The following AUTS2 variants were observed in gnomAD, a reference collection of about 807,000 sequenced individuals.
The protein encoded by AUTS2 is autism susceptibility gene 2 protein.
A neutral mutation model predicts 112.4 loss-of-function variants in AUTS2; 17 were observed. The ratio of observed to expected loss-of-function variants is 0.15; its 90% CI spans 0.10 to 0.23. The LOEUF is 0.23. Among genes scored for constraint, AUTS2 ranks in the 10% least tolerant of loss-of-function variants. The pLI is 1.00. For missense variants in AUTS2, 1,510 were observed against 1,701.6 expected (o/e 0.89, Z 1.98); for synonymous variants, 751 against 702.7 (o/e 1.07, Z -1.09).
At chr7:70,747,201 TG>T (rs1788506465) in intron 6 of AUTS2, among the ~76,000 whole-genome samples, 1 of 152,248 alleles carries the variant, frequency 6.6e-6, no homozygotes, top group South Asian at 2.1e-4. Context: ...CCTTCTTTTT[TG>T]AAAGCATCTC....
rs199922977 is a variant in AUTS2, at chr7:70,423,631, CA to C, written c.661-12112del. Among the ~76,000 whole-genome samples, 457 of 150,906 alleles carry C rather than the reference CA, an allele frequency of 3.0e-3. 1 individual carries two copies. The highest frequency in any genetic ancestry group is 0.01 in the African/African-American group (430 of 41,230). ...GAATAAGTCCAAGCTACTTCCATCC[CA>C]AAAAAAAATGTTCATCAAGAACCTA... On this transcript the variant is annotated intron_variant, in intron 4 of 18. Transcript: ENST00000342771.
intron 3 of AUTS2, among the ~76,000 whole-genome samples, chr7:70,122,888 T>C (rs10262612): frequency 0.072 from 9,490 of 132,704 alleles, 206 homozygotes; most frequent in African/African-American, 0.12. Context: ...TTTTTTTTTT[T>C]CCGTGACACG....
At chr7:70,732,214 A>T (rs978867383) in intron 6 of AUTS2, among the ~76,000 whole-genome samples, 3 of 152,188 alleles carry the variant, frequency 2.0e-5, no homozygotes, top group Non-Finnish European at 2.9e-5. Context: ...ATTTTTCCTC[A>T]TAGCAAATAC....
chr7:69,941,844 G>T (rs966340717), intron 2 of AUTS2, among the ~76,000 whole-genome samples: 2 of 152,148 alleles, frequency 1.3e-5, no homozygotes, highest in African/African-American at 4.8e-5. Flanking sequence ...GGCCAGACTG[G>T]ATGAACTGGT....
chr7:70,173,581 C>T (rs188673590), intron 4 of AUTS2, among the ~76,000 whole-genome samples: 1 of 152,180 alleles, frequency 6.6e-6, no homozygotes, highest in East Asian at 1.9e-4. Context: ...GCATACATTG[C>T]TTTATTGTGC....
At chr7:69,600,943 C>T (rs1456486447) in intron 1 of AUTS2, among the ~76,000 whole-genome samples, 1 of 150,372 alleles carries the variant, frequency 6.7e-6, no homozygotes, top group African/African-American at 2.5e-5. Context: ...CGTTGATTTT[C>T]AAATGCACAT....
intron 4 of AUTS2, among the ~76,000 whole-genome samples, chr7:70,362,545 C>T (rs899376494): frequency 6.6e-6 from 1 of 152,036 alleles, no homozygotes; most frequent in Non-Finnish European, 1.5e-5. Context: ...ATATTTCAAG[C>T]AGGAGAAATT....
At chr7:69,966,175 G>T (rs1295431548) in intron 2 of AUTS2, among the ~76,000 whole-genome samples, 1 of 152,116 alleles carries the variant, frequency 6.6e-6, no homozygotes, top group Non-Finnish European at 1.5e-5. Context: ...AGACACCTTG[G>T]CTCAGGAAAG....
intron 2 of AUTS2, among the ~76,000 whole-genome samples, chr7:70,098,263 A>G (rs1804301357): frequency 6.6e-6 from 1 of 152,242 alleles, no homozygotes; most frequent in Admixed American, 6.5e-5. Context: ...GCTCTGGATT[A>G]TCTATAAAAC....
chr7:70,714,117 A>G (rs138833724), intron 6 of AUTS2, among the ~76,000 whole-genome samples: 1 of 152,308 alleles, frequency 6.6e-6, no homozygotes, highest in Non-Finnish European at 1.5e-5. Flanking sequence ...AAGGTGTGAA[A>G]TGTATCTTTA....
At chr7:69,766,800 G>A (rs1263495075) in intron 1 of AUTS2, among the ~76,000 whole-genome samples, 1 of 152,226 alleles carries the variant, frequency 6.6e-6, no homozygotes, top group Non-Finnish European at 1.5e-5. Context: ...GAGCTGAAAT[G>A]CTCATCAGCT....
chr7:69,600,719 G>A (rs1032632526), intron 1 of AUTS2, among the ~76,000 whole-genome samples: 2 of 151,892 alleles, frequency 1.3e-5, no homozygotes, highest in African/African-American at 4.8e-5. Context: ...GCACATGTGT[G>A]TGTGTACATG....
At chr7:69,669,696 AT>A (rs998016578) in intron 1 of AUTS2, among the ~76,000 whole-genome samples, 1 of 151,798 alleles carries the variant, frequency 6.6e-6, no homozygotes, top group Non-Finnish European at 1.5e-5. Flanking sequence ...TTGAAAGATG[AT>A]TTTTTTCCCC....
At chr7:70,623,642 G>A (rs577597561) in intron 5 of AUTS2, among the ~76,000 whole-genome samples, 3 of 152,288 alleles carry the variant, frequency 2.0e-5, no homozygotes, top group Admixed American at 6.5e-5. Flanking sequence ...AACATGTCAC[G>A]TGTTCAGGGG....
At chr7:69,752,074 AC>A (rs1212878141) in intron 1 of AUTS2, among the ~76,000 whole-genome samples, 2 of 152,024 alleles carry the variant, frequency 1.3e-5, no homozygotes, top group Non-Finnish European at 2.9e-5. Context: ...CCCGCCCCAC[AC>A]CCGGCCTTAA....
At chr7:69,800,719 G>T (rs1414047746) in intron 1 of AUTS2, among the ~76,000 whole-genome samples, 4 of 152,156 alleles carry the variant, frequency 2.6e-5, no homozygotes, top group Non-Finnish European at 5.9e-5. Context: ...CTCTTGACAA[G>T]TACTATGAGT....
At chr7:70,181,456 A>G (rs1186158777) in intron 4 of AUTS2, among the ~76,000 whole-genome samples, 3 of 150,342 alleles carry the variant, frequency 2.0e-5, no homozygotes, top group African/African-American at 7.3e-5. Context: ...CTCCTTTGTC[A>G]TATTTCACAG....
chr7:70,789,723 C>A, intron 18 of AUTS2, 25 bp from the exon 19 acceptor site: 1 of 1,599,322 alleles, frequency 6.3e-7, no homozygotes, highest in Non-Finnish European at 8.5e-7. Flanking sequence ...TCATCTGCGT[C>A]CTTGTCTTCC....
chr7:70,537,633 T>G (rs943675296), intron 5 of AUTS2, among the ~76,000 whole-genome samples: 2 of 152,216 alleles, frequency 1.3e-5, no homozygotes, highest in African/African-American at 4.8e-5. Flanking sequence ...CTGAGAGATC[T>G]CATGCTTAAC....
Sources: gnomAD v4.1 joint callset for allele counts (sites outside exome capture counted in the v4.1 genomes callset) on GRCh38, gnomAD v4.1.1 for gene constraint, MANE v1.5 for transcripts, NCBI Gene and HGNC (gene_info 2026-07-23, HGNC 2026-07-21) for gene names.